EIF4ENIF1: variants seen among roughly 807,000 people sequenced by gnomAD.
The protein encoded by EIF4ENIF1 is eukaryotic translation initiation factor 4E nuclear import factor 1, also known as eukaryotic translation initiation factor 4E transporter.
EIF4ENIF1 carries 23 observed loss-of-function variants against 110.5 expected under a neutral mutation model. The ratio of observed to expected loss-of-function variants is 0.21; its 90% CI spans 0.15 to 0.29. The LOEUF is 0.29. Ranked by LOEUF, EIF4ENIF1 falls within the 10% of genes least tolerant of loss-of-function variation. EIF4ENIF1 has a pLI of 1.00. For synonymous variants in EIF4ENIF1, 440 were observed against 437.0 expected, an observed-to-expected ratio of 1.01 and a Z score of -0.09; for missense variants, 1,031 against 1,221.1, an observed-to-expected ratio of 0.84 and a Z score of 2.32.
At chr22:31,488,840 A>T in intron 1 of EIF4ENIF1, 95 bp from the exon 2 acceptor site, 5 of 1,399,322 alleles carry the variant, frequency 3.6e-6, no homozygotes, top group Non-Finnish European at 4.7e-6. Context: ...TTAATCTCTC[A>T]AAACAGCTAG....
Position 31,471,828 on chromosome 22 carries a change from A to G in EIF4ENIF1, c.170+16T>C, listed in dbSNP as rs765854728. ...TATTGACTAGAAGTAGTTAAGGACT[A>G]GAATGACACACATACCTGTCATATT... On this transcript the variant is annotated intron_variant, in intron 3 of 18. Coordinates refer to ENST00000330125, the MANE Select transcript of EIF4ENIF1 (RefSeq NM_019843.4). 6.3e-7 allele frequency: 1 copy of G among 1,590,408 alleles called. No individual in the cohort carries two copies. The highest frequency in any genetic ancestry group is 8.5e-7 in the Non-Finnish European group (1 of 1,171,798).
At chr22:31,452,494 C>A (rs1007951495) in intron 10 of EIF4ENIF1, among the ~76,000 whole-genome samples, 1 of 152,090 alleles carries the variant, frequency 6.6e-6, no homozygotes, top group Non-Finnish European at 1.5e-5. Context: ...CCTTACAACT[C>A]GAGTAAATTG....
At chr22:31,460,002 A>G (rs2050941344) in intron 6 of EIF4ENIF1, among the ~76,000 whole-genome samples, 1 of 152,204 alleles carries the variant, frequency 6.6e-6, no homozygotes, top group Non-Finnish European at 1.5e-5. Context: ...TAAGAAAAAC[A>G]TAATTTTTTC....
chr22:31,449,320 ATTTCT>A, intron 12 of EIF4ENIF1, 23 bp downstream of exon 12: 1 of 1,607,544 alleles, frequency 6.2e-7, no homozygotes, highest in Non-Finnish European at 8.5e-7. Context: ...ATAAATTCAT[ATTTCT>A]TTTGACAAAT....
Position 31,439,719 on chromosome 22 carries a change from C to G in EIF4ENIF1, c.*161G>C. The G allele has an allele frequency of 1.0e-6, 1 of 972,640 alleles. No homozygotes were observed. Among genetic ancestry groups the G allele is most frequent in the East Asian group, 2.6e-5 (1 of 37,810 alleles). 60.3% of individuals were successfully genotyped at this position (972,640 alleles called of 1,614,324 possible). ...TACACTCCACTCGACTGGTTAAGAT[C>G]CTTCCATCATAATGCGGACCACACC... On this transcript the variant is annotated 3_prime_UTR_variant, in exon 19 of 19. Coordinates refer to ENST00000330125, the MANE Select transcript of EIF4ENIF1 (RefSeq NM_019843.4).
At position 31,450,362 on chromosome 22, in the gene EIF4ENIF1, TAA is replaced by T. The variant is rs765352567; in HGVS notation, c.1513-4_1513-3del. The stretch of plus-strand genomic sequence containing the variant: ...CATCAAATGGCTTTCAAGGTTTCGC[TAA>T]AAGAGTCAAAAGAAAACTGGTTTTA... On this transcript the variant is annotated splice_region_variant and splice_polypyrimidine_tract_variant and intron_variant, in intron 10 of 18. Transcript: ENST00000330125. 5 of 1,612,710 alleles carry T rather than the reference TAA, an allele frequency of 3.1e-6. No individual in the cohort carries two copies. The highest frequency in any genetic ancestry group is 4.5e-5 in the East Asian group (2 of 44,850).
chr22:31,484,257 C>A (rs1045942867), intron 2 of EIF4ENIF1, among the ~76,000 whole-genome samples: 1 of 152,076 alleles, frequency 6.6e-6, no homozygotes, highest in Non-Finnish European at 1.5e-5. Flanking sequence ...TTAACATTTG[C>A]GAAACAAGCT....
chr22:31,466,679 C>A (rs371353324), intron 4 of EIF4ENIF1, among the ~76,000 whole-genome samples: 1 of 150,348 alleles, frequency 6.7e-6, no homozygotes, highest in Non-Finnish European at 1.5e-5. Context: ...CATAGGAATA[C>A]TAGGGAACTT....
rs1224093618 is a variant in EIF4ENIF1, at chr22:31,443,214, T to A, written c.2074-120A>T. On this transcript the variant is annotated intron_variant, in intron 15 of 18. Transcript: ENST00000330125. ...CCCCACATTGGTAGCATAGGCCAACTGTAGTATTCTGTTCTGTAGCTGCTG... is the reference window on the plus strand; with the variant it reads ...CCCCACATTGGTAGCATAGGCCAACAGTAGTATTCTGTTCTGTAGCTGCTG... 104 of 1,372,668 alleles carry A rather than the reference T, an allele frequency of 7.6e-5. 1 individual carries two copies. In the South Asian group the frequency reaches 1.4e-3, roughly 18 times the overall value. 85.0% of individuals were successfully genotyped at this position (1,372,668 alleles called of 1,614,324 possible). A position where few individuals can be genotyped will look rare whatever the true frequency, so the allele number is the denominator to read the frequency against.
chr22:31,462,919 A>G lies in EIF4ENIF1; in HGVS notation c.787+13T>C, dbSNP rs1453325402. On this transcript the variant is annotated intron_variant, in intron 6 of 18. Coordinates refer to ENST00000330125, the MANE Select transcript of EIF4ENIF1 (RefSeq NM_019843.4). ...TTAAAACAGCGAACTTCCCTCCCAA[A>G]GTTTGAACTGACCTTCCTTCACAGA... The G allele has an allele frequency of 5.0e-6, 8 of 1,612,576 alleles. No individual in the cohort carries two copies. The highest frequency in any genetic ancestry group is 6.8e-6 in the Non-Finnish European group (8 of 1,179,640).
upstream of EIF4ENIF1, among the ~76,000 whole-genome samples, chr22:31,490,120 C>A (rs796245443): frequency 4.6e-4 from 70 of 152,330 alleles, no homozygotes; most frequent in Middle Eastern, 3.4e-3. Flanking sequence ...AGCCCAGAGG[C>A]CACCGCCGCC....
intron 1 of EIF4ENIF1, 128 bp downstream of exon 1, chr22:31,489,566 C>T (rs1165584490): frequency 6.7e-6 from 1 of 148,870 alleles, no homozygotes; most frequent in East Asian, 2.0e-4. Flanking sequence ...TGCCCACCCC[C>T]TGCGGGCGCC....
At chr22:31,438,843 C>T (rs2050212459), downstream of EIF4ENIF1, among the ~76,000 whole-genome samples, 2 of 152,184 alleles carry the variant, frequency 1.3e-5, no homozygotes, top group African/African-American at 4.8e-5. Flanking sequence ...CTGTCTCAGC[C>T]TCCCGAGTAG....
intron 2 of EIF4ENIF1, among the ~76,000 whole-genome samples, chr22:31,476,301 C>T (rs749396136): frequency 6.6e-6 from 1 of 152,076 alleles, no homozygotes; most frequent in Non-Finnish European, 1.5e-5. Context: ...ACTTTTAACT[C>T]CAAAGGTAAC....
At chr22:31,451,664 C>CT (rs554930183) in intron 10 of EIF4ENIF1, among the ~76,000 whole-genome samples, 1,995 of 139,428 alleles carry the variant, frequency 0.014, 32 homozygotes, top group African/African-American at 0.038. Context: ...GTAGTGGTTA[C>CT]TTTTTTTTTT....
chr22:31,475,139 C>T (rs993020164), intron 2 of EIF4ENIF1, among the ~76,000 whole-genome samples: 3 of 152,126 alleles, frequency 2.0e-5, no homozygotes, highest in Non-Finnish European at 2.9e-5. Context: ...CAGGCATTTG[C>T]ATTTATTTAG....
chr22:31,458,736 G>T, intron 6 of EIF4ENIF1, 86 bp from the exon 7 acceptor site: 1 of 1,256,440 alleles, frequency 8.0e-7, no homozygotes, highest in Non-Finnish European at 1.1e-6. Flanking sequence ...TATACATGTA[G>T]AAGAGCCACA....
chr22:31,455,461 C>T, intron 8 of EIF4ENIF1, 146 bp from the exon 9 acceptor site: 3 of 677,420 alleles, frequency 4.4e-6, no homozygotes, highest in Non-Finnish European at 6.5e-6. Context: ...TGCAGTGGCG[C>T]AATCTCGGCT....
chr22:31,456,548 T>C (rs1161209091), intron 7 of EIF4ENIF1, among the ~76,000 whole-genome samples: 1 of 151,364 alleles, frequency 6.6e-6, no homozygotes, highest in Non-Finnish European at 1.5e-5. Flanking sequence ...ACAGTCTCGC[T>C]CTGTTGCCCA....
Sources: allele counts gnomAD v4.1 joint callset (sites outside exome capture counted in the v4.1 genomes callset), GRCh38; gene constraint gnomAD v4.1.1; transcripts MANE v1.5; gene names NCBI Gene and HGNC (gene_info 2026-07-23, HGNC 2026-07-21).